HDAC9: variants seen among roughly 807,000 people sequenced by gnomAD.
HDAC9 encodes histone deacetylase 9, also known as MEF-2 interacting transcription repressor (MITR) protein.
Under a neutral mutation model 139.4 loss-of-function variants are expected in HDAC9, and 41 were observed. The observed-to-expected ratio is 0.29, with a 90% CI of 0.23 to 0.38. HDAC9 has a LOEUF of 0.38. Ranked by LOEUF, HDAC9 falls within the 10% of genes least tolerant of loss-of-function variation. HDAC9 has a pLI of 1.00. For missense variants in HDAC9, 1,147 were observed against 1,297.0 expected (o/e 0.88, Z 1.78); for synonymous variants, 517 against 476.2 (o/e 1.09, Z -1.12).
chr7:18,938,046 TTTGTACC>T (rs1347597065), intron 23 of HDAC9, among the ~76,000 whole-genome samples: 1 of 152,134 alleles, frequency 6.6e-6, no homozygotes, highest in African/African-American at 2.4e-5. Context: ...CAAAGTGTGT[TTTGTACC>T]TTGCTGCCAT....
At chr7:18,769,742 A>G (rs574685091) in intron 16 of HDAC9, among the ~76,000 whole-genome samples, 294 of 152,204 alleles carry the variant, frequency 1.9e-3, no homozygotes, top group Non-Finnish European at 3.4e-3. Context: ...AGCCTGTCTA[A>G]ATTTTCACCT....
chr7:18,258,201 A>G (rs988145591), intron 2 of HDAC9, among the ~76,000 whole-genome samples: 7 of 152,182 alleles, frequency 4.6e-5, no homozygotes, highest in Non-Finnish European at 1.0e-4. Flanking sequence ...GCGTAGATCT[A>G]TTGCTTTTGC....
At chr7:18,899,600 T>C (rs1801514695) in intron 22 of HDAC9, among the ~76,000 whole-genome samples, 1 of 152,096 alleles carries the variant, frequency 6.6e-6, no homozygotes, top group Admixed American at 6.6e-5. Flanking sequence ...GTATATTAAT[T>C]ATTTCTTTGG....
At chr7:18,178,722 T>C (rs1287098744) in intron 2 of HDAC9, among the ~76,000 whole-genome samples, 1 of 152,212 alleles carries the variant, frequency 6.6e-6, no homozygotes, top group Non-Finnish European at 1.5e-5. Flanking sequence ...GATCCAACAT[T>C]CTTTATACTT....
chr7:18,576,414 C>A (rs1227824029), intron 2 of HDAC9, among the ~76,000 whole-genome samples: 2 of 152,112 alleles, frequency 1.3e-5, no homozygotes, highest in African/African-American at 4.8e-5. Flanking sequence ...GTAATCCCAG[C>A]ACTTTGGGAG....
chr7:18,495,558 G>A (rs1333008662), upstream of HDAC9, among the ~76,000 whole-genome samples: 1 of 152,082 alleles, frequency 6.6e-6, no homozygotes, highest in Non-Finnish European at 1.5e-5. Context: ...AGGCTGGACA[G>A]CTGGGTTTGC....
chr7:18,981,843 T>C (rs977261460), intron 25 of HDAC9, among the ~76,000 whole-genome samples: 3 of 152,124 alleles, frequency 2.0e-5, no homozygotes, highest in East Asian at 3.9e-4. Flanking sequence ...AGGAAGTGGA[T>C]AGCTTTGGGG....
At chr7:18,463,124 C>T (rs1793988925) in intron 1 of HDAC9, among the ~76,000 whole-genome samples, 1 of 151,928 alleles carries the variant, frequency 6.6e-6, no homozygotes, top group Non-Finnish European at 1.5e-5. Flanking sequence ...ATAAATTGAA[C>T]TCATCCTTAA....
At chr7:18,814,595 C>G (rs957423079) in intron 17 of HDAC9, among the ~76,000 whole-genome samples, 1 of 152,112 alleles carries the variant, frequency 6.6e-6, no homozygotes, top group Non-Finnish European at 1.5e-5. Context: ...GCTCACCCCC[C>G]ACCCCAACTT....
chr7:18,703,872 C>A (rs1158297528), intron 12 of HDAC9, among the ~76,000 whole-genome samples: 1 of 152,000 alleles, frequency 6.6e-6, no homozygotes, highest in African/African-American at 2.4e-5. Context: ...CCTTTTTCAC[C>A]ACAACACAGG....
At chr7:18,131,461 T>C (rs1335719866) in intron 1 of HDAC9, among the ~76,000 whole-genome samples, 1 of 152,216 alleles carries the variant, frequency 6.6e-6, no homozygotes, top group Non-Finnish European at 1.5e-5. Flanking sequence ...AGGGGGTTGC[T>C]GCTTTACTAC....
chr7:18,171,699 A>G (rs1277409007), intron 2 of HDAC9, among the ~76,000 whole-genome samples: 1 of 152,160 alleles, frequency 6.6e-6, no homozygotes, highest in East Asian at 1.9e-4. Context: ...ATCTATTGAG[A>G]TAATCATTTA....
Position 18,517,743 on chromosome 7 carries a change from C to A in HDAC9, c.22+21419C>A, listed in dbSNP as rs529138901. On this transcript the variant is annotated intron_variant, in intron 2 of 25. Transcript: ENST00000686413. Reference sequence around the variant, plus strand: ...GCCTTTACTCCTGTTTTCTTCCATTCTCACCCCTCTGTTTCTGCCAGAATT... The same window carrying A: ...GCCTTTACTCCTGTTTTCTTCCATTATCACCCCTCTGTTTCTGCCAGAATT... The A allele has an allele frequency of 3.9e-5, 6 of 152,286 alleles. No homozygotes were observed. In the South Asian group the frequency reaches 1.2e-3, roughly 32 times the overall value. 9.4% of individuals were successfully genotyped at this position (152,286 alleles called of 1,614,324 possible).
intron 2 of HDAC9, among the ~76,000 whole-genome samples, chr7:18,177,683 G>T (rs973364073): frequency 1.3e-4 from 20 of 152,180 alleles, no homozygotes; most frequent in African/African-American, 4.6e-4. Context: ...TACTGGGGTT[G>T]TCTTCTCTAA....
chr7:18,696,258 A>G (rs1441208334), intron 12 of HDAC9, among the ~76,000 whole-genome samples: 2 of 151,224 alleles, frequency 1.3e-5, no homozygotes, highest in Non-Finnish European at 2.9e-5. Context: ...ATTATAGTTA[A>G]ATTATCTTAA....
At chr7:18,109,742 A>G (rs912866926) in intron 1 of HDAC9, among the ~76,000 whole-genome samples, 2 of 152,200 alleles carry the variant, frequency 1.3e-5, no homozygotes, top group African/African-American at 4.8e-5. Context: ...TGGTGCGCCA[A>G]CCAAGTTACC....
chr7:18,143,022 C>G (rs1786025257), intron 1 of HDAC9, among the ~76,000 whole-genome samples: 1 of 152,126 alleles, frequency 6.6e-6, no homozygotes, highest in Non-Finnish European at 1.5e-5. Context: ...TCCTTGGATC[C>G]CTAGTTTTGA....
intron 1 of HDAC9, among the ~76,000 whole-genome samples, chr7:18,305,732 G>C (rs1798864392): frequency 7.4e-6 from 1 of 134,484 alleles, no homozygotes; most frequent in African/African-American, 3.5e-5. Flanking sequence ...TAGATGAGAA[G>C]ACAAGACATA....
At chr7:18,449,169 C>T (rs1210845758) in intron 1 of HDAC9, among the ~76,000 whole-genome samples, 1 of 152,202 alleles carries the variant, frequency 6.6e-6, no homozygotes, top group South Asian at 2.1e-4. Context: ...TCCAAAAGTA[C>T]ATGCACAAGA....
Sources: allele counts gnomAD v4.1 joint callset (sites outside exome capture counted in the v4.1 genomes callset), GRCh38; gene constraint gnomAD v4.1.1; transcripts MANE v1.5; gene names NCBI Gene and HGNC (gene_info 2026-07-23, HGNC 2026-07-21).